Variants in ARHGEF10 observed in about 807,000 individuals in gnomAD.
ARHGEF10 encodes Rho guanine nucleotide exchange factor (GEF) 10.
Under a neutral mutation model 147.4 loss-of-function variants are expected in ARHGEF10, and 140 were observed. The ratio of observed to expected loss-of-function variants is 0.95; its 90% CI spans 0.83 to 1.09. The LOEUF (loss-of-function observed/expected upper bound fraction) is 1.09, where lower values mean the gene tolerates loss of function less well. Among genes scored for constraint, ARHGEF10 ranks in the 50% least tolerant of loss-of-function variants. The probability of loss-of-function intolerance (pLI) is 0.00; values close to 1 mark genes in which losing one functional copy is unlikely to be tolerated. For missense variants in ARHGEF10, 2,222 were observed against 1,752.7 expected, an observed-to-expected ratio of 1.27 and a Z score of -4.78; for synonymous variants, 902 against 695.8, an observed-to-expected ratio of 1.30 and a Z score of -4.67.
rs187666464 is a variant in ARHGEF10 at position 1,856,833 on chromosome 8, G to A, written c.38-1127G>A. On this transcript the variant is annotated intron_variant, in intron 2 of 28. Transcript: ENST00000349830. ...GGCAGCAGGAGGTTTCCTCAGGAAC[G>A]TGTGCTGGGAAGAAATCCCAGCCCT... Among the ~76,000 whole-genome samples the A allele has an allele frequency of 3.8e-3, 572 of 152,316 alleles. 5 individuals carry two copies. The highest frequency in any genetic ancestry group is 0.013 in the African/African-American group (546 of 41,578).
chr8:1,928,650 G>A lies in ARHGEF10; in HGVS notation c.2921G>A (p.Ser974Asn). 6.2e-7 allele frequency: 1 copy of A among 1,614,074 alleles called. No homozygotes were observed. The highest frequency in any genetic ancestry group is 1.7e-5 in the Admixed American group (1 of 60,028). Reference sequence around the variant, plus strand: ...ATCTGTGTAGGGACGGAGGAGGGAAGGTAGGGCATGCTCACTGCGTTACAG... The same window carrying A: ...ATCTGTGTAGGGACGGAGGAGGGAAAGTAGGGCATGCTCACTGCGTTACAG... ...PTICVGTEEG[S>N]ISIYKSSQGS... The change falls in exon 24 of 29, where the codon AGC becomes AAC. Residue 974 changes from serine to asparagine, a missense_variant and splice_region_variant. Ser to Asn is a conservative substitution (Grantham distance 46, BLOSUM62 1). Transcript: ENST00000349830.
chr8:1,930,260 C>T (rs553916774), intron 25 of ARHGEF10, among the ~76,000 whole-genome samples: 1 of 152,190 alleles, frequency 6.6e-6, no homozygotes, highest in Admixed American at 6.5e-5. Context: ...TCCCCACGGC[C>T]GGGAGCGACG....
upstream of ARHGEF10, among the ~76,000 whole-genome samples, chr8:1,823,795 C>G (rs1314790137): frequency 1.3e-5 from 2 of 151,718 alleles, no homozygotes; most frequent in Non-Finnish European, 1.5e-5. Context: ...GCCACGTGGC[C>G]TCGAAGGAAT....
At position 1,945,506 on chromosome 8, in the gene ARHGEF10, A is replaced by AAG. The variant is rs1814495514; in HGVS notation, c.3249_3250dup (p.Gly1084GlufsTer4). The AAG allele has an allele frequency of 6.2e-7, 1 of 1,610,554 alleles. No individual in the cohort carries two copies. Among genetic ancestry groups the AAG allele is most frequent in the African/African-American group, 1.3e-5 (1 of 74,824 alleles). ...GGTCAGCTGGAGGCCCACCAGGAGG[A>AAG]AGGCATGGTGATCTCCCACATGGCC... On this transcript the variant is annotated frameshift_variant, in exon 27 of 29. Transcript: ENST00000349830. LOFTEE classifies it high-confidence loss of function.
chr8:1,869,487 G>C, intron 7 of ARHGEF10: 2 of 629,626 alleles, frequency 3.2e-6, no homozygotes, highest in Non-Finnish European at 5.7e-6. Flanking sequence ...GCAAACAGAG[G>C]AGTAAAGGTA....
chr8:1,950,365 T>A lies in ARHGEF10; in HGVS notation c.3398-2340T>A, dbSNP rs150325404. On this transcript the variant is annotated intron_variant, in intron 27 of 28. Coordinates refer to ENST00000349830, the MANE Select transcript of ARHGEF10 (RefSeq NM_014629.4). ...ACCTCGTGACTGTGGCCCTCAGCTT[T>A]CCCATGTAAAATTAAAGATGTTGAT... 9.6e-3 allele frequency among the ~76,000 whole-genome samples: 1,456 copies of A among 152,284 alleles called. 23 individuals carry two copies. The highest frequency in any genetic ancestry group is 0.033 in the African/African-American group (1,359 of 41,542).
intron 11 of ARHGEF10, among the ~76,000 whole-genome samples, chr8:1,889,993 G>A (rs962106205): frequency 6.9e-5 from 10 of 144,970 alleles, no homozygotes; most frequent in African/African-American, 2.8e-4. Flanking sequence ...AGTGATGTGA[G>A]CAATCTGTGA....
At position 1,952,796 on chromosome 8, in the gene ARHGEF10, C is replaced by T. The variant is rs770469870; in HGVS notation, c.3489C>T (p.Val1163=). ...TGGGAGTCCTCGTGGCCCTGCCGGT[C>T]CCACGTCTGCAAGGGATTCCCAAAG... is the stretch of plus-strand genomic sequence containing the variant. ...TSLGVLVALP[V]PRLQGIPKVT... is the part of the protein sequence containing the mutation. The change falls in exon 28 of 29, where the codon GTC becomes GTT. Residue 1163 remains valine, a synonymous_variant. Transcript: ENST00000349830. 2.5e-6 allele frequency: 4 copies of T among 1,613,860 alleles called. No homozygotes were observed. The South Asian group carries it at 4.4e-5, about 18-fold the overall frequency.
rs769362010 is a variant in ARHGEF10 at position 1,864,444 on chromosome 8, C to T, written c.545+8C>T. On this transcript the variant is annotated splice_region_variant and intron_variant, in intron 5 of 28. Transcript: ENST00000349830. ...CGAGGAGCCTCCAACCAGGTATCTG[C>T]ATCCGTCTTCCCACACCTGCTGAAT... 7 of 1,613,022 alleles carry T rather than the reference C, an allele frequency of 4.3e-6. No homozygotes were observed. The highest frequency in any genetic ancestry group is 2.2e-5 in the East Asian group (1 of 44,876).
chr8:1,889,536 CACTG>C (rs1178126242), intron 11 of ARHGEF10, among the ~76,000 whole-genome samples: 2 of 79,888 alleles, frequency 2.5e-5, no homozygotes, highest in Admixed American at 1.2e-4. Context: ...ATTGAGGAGA[CACTG>C]AGTAGGGTAA....
intron 18 of ARHGEF10, among the ~76,000 whole-genome samples, chr8:1,918,846 T>C (rs538594384): frequency 2.6e-5 from 4 of 151,860 alleles, no homozygotes; most frequent in East Asian, 1.9e-4. Context: ...CTGTGGGTGA[T>C]AGAGCTGTTA....
At chr8:1,934,464 G>A (rs751527132) in intron 26 of ARHGEF10, among the ~76,000 whole-genome samples, 1 of 151,924 alleles carries the variant, frequency 6.6e-6, no homozygotes, top group Non-Finnish European at 1.5e-5. Context: ...ATTTACCTGT[G>A]TTCACTGGTT....
intron 7 of ARHGEF10, chr8:1,876,310 C>T (rs1171228970): frequency 6.1e-5 from 33 of 536,980 alleles, no homozygotes; most frequent in Admixed American, 1.6e-4. Context: ...GCCAGGTGGT[C>T]CTCGGGGTAC....
intron 20 of ARHGEF10, 69 bp downstream of exon 20, chr8:1,923,664 A>T: frequency 1.2e-6 from 2 of 1,614,044 alleles, no homozygotes; most frequent in Non-Finnish European, 1.7e-6. Context: ...TTGTCATGAC[A>T]TGTATGTTTT....
intron 4 of ARHGEF10, among the ~76,000 whole-genome samples, chr8:1,862,374 C>T (rs1475883136): frequency 6.6e-6 from 1 of 152,268 alleles, no homozygotes; most frequent in African/African-American, 2.4e-5. Flanking sequence ...ATTTTTCCTG[C>T]CTACCGAAAC....
At chr8:1,857,722 G>GT (rs11379451) in intron 2 of ARHGEF10, among the ~76,000 whole-genome samples, 108,426 of 151,830 alleles carry the variant, frequency 0.71, 39,374 homozygotes, top group African/African-American at 0.84. Flanking sequence ...CCAGCCTCTT[G>GT]TTTCTTCTCT....
chr8:1,882,622 C>T lies in ARHGEF10; in HGVS notation c.961-13C>T, dbSNP rs551244355. On this transcript the variant is annotated splice_polypyrimidine_tract_variant and intron_variant, in intron 9 of 28. Transcript: ENST00000349830. ...GCCGCCGTCCCGTTCTCACATCTCC[C>T]TCTCCGTCGCAGATGCAGAAGCTCG... 4 of 1,549,966 alleles carry T rather than the reference C, an allele frequency of 2.6e-6. No homozygotes were observed. In the Admixed American group the frequency reaches 5.9e-5, roughly 23 times the overall value.
At chr8:1,891,697 A>C (rs1299967754) in intron 11 of ARHGEF10, among the ~76,000 whole-genome samples, 1 of 151,878 alleles carries the variant, frequency 6.6e-6, no homozygotes, top group Non-Finnish European at 1.5e-5. Flanking sequence ...CTCCTCTATG[A>C]CTTTAGGTCA....
intron 11 of ARHGEF10, among the ~76,000 whole-genome samples, chr8:1,891,293 G>C (rs1340040341): frequency 6.6e-6 from 1 of 152,184 alleles, no homozygotes; most frequent in East Asian, 1.9e-4. Context: ...TTTCTCTTGA[G>C]TGGTTAAATG....
Sources: allele counts gnomAD v4.1 joint callset (sites outside exome capture counted in the v4.1 genomes callset), GRCh38; gene constraint gnomAD v4.1.1; transcripts MANE v1.5; gene names NCBI Gene and HGNC (gene_info 2026-07-23, HGNC 2026-07-21).